Variants in GPC6 observed in about 807,000 individuals in gnomAD.
The protein encoded by GPC6 is glypican-6.
A neutral mutation model predicts 55.2 loss-of-function variants in GPC6; 14 were observed. That is an observed-to-expected ratio of 0.25 (90% confidence interval 0.17 to 0.40). The LOEUF (loss-of-function observed/expected upper bound fraction) is 0.40, where lower values mean the gene tolerates loss of function less well. Ranked by LOEUF, GPC6 falls within the 10% of genes least tolerant of loss-of-function variation. GPC6 has a pLI of 1.00. For missense variants in GPC6, 641 were observed against 708.5 expected (o/e 0.90, Z 1.08); for synonymous variants, 278 against 259.6 (o/e 1.07, Z -0.68).
At position 94,149,851 on chromosome 13, in the gene GPC6, C is replaced by G. The variant is rs1229964343; in HGVS notation, c.877+121957C>G. On this transcript the variant is annotated intron_variant, in intron 4 of 8. Transcript: ENST00000377047. ...TGGCACTTCACACACTTCGCACGTT[C>G]TATCTCCTGTTTGACTTTTTTGAGG... Among the ~76,000 whole-genome samples the G allele has an allele frequency of 5.3e-5, 8 of 152,008 alleles. No homozygotes were observed. The South Asian group carries it at 1.5e-3, about 28-fold the overall frequency.
chr13:94,085,053 G>A (rs1018642738), intron 4 of GPC6, among the ~76,000 whole-genome samples: 12 of 152,058 alleles, frequency 7.9e-5, no homozygotes, highest in African/African-American at 2.7e-4. Context: ...GCTGGGCACG[G>A]TGGCTCACAC....
intron 3 of GPC6, among the ~76,000 whole-genome samples, chr13:93,966,378 T>C (rs1880043587): frequency 6.6e-6 from 1 of 152,210 alleles, no homozygotes; most frequent in Non-Finnish European, 1.5e-5. Context: ...TGAATGTATA[T>C]TTCCTTTACA....
chr13:93,463,458 C>T (rs901996368), intron 1 of GPC6, among the ~76,000 whole-genome samples: 15 of 152,192 alleles, frequency 9.9e-5, no homozygotes, highest in East Asian at 5.8e-4. Context: ...TGTGAAGCAC[C>T]GTTCTTAGTG....
At chr13:93,226,566 TC>T (rs1350141617), upstream of GPC6, 1 of 152,214 alleles carries the variant, frequency 6.6e-6, no homozygotes, top group Non-Finnish European at 1.5e-5. Context: ...ATCCTTTACC[TC>T]CATAAAAATA....
intron 1 of GPC6, among the ~76,000 whole-genome samples, chr13:93,316,226 T>G (rs576775392): frequency 5.3e-4 from 80 of 152,214 alleles, no homozygotes; most frequent in Admixed American, 1.8e-3. Flanking sequence ...GAGAACTATT[T>G]TTTATTCATG....
intron 4 of GPC6, among the ~76,000 whole-genome samples, chr13:94,113,355 CAT>C: frequency 6.6e-6 from 1 of 152,068 alleles, no homozygotes; most frequent in Admixed American, 6.6e-5. Flanking sequence ...TTAAGTTAAT[CAT>C]ACTCTCAGTT....
chr13:93,289,351 CTT>C (rs1267421208), intron 1 of GPC6, among the ~76,000 whole-genome samples: 1 of 152,034 alleles, frequency 6.6e-6, no homozygotes, highest in Non-Finnish European at 1.5e-5. Context: ...GCTCAAAAGA[CTT>C]TCAAAACGTG....
At chr13:93,222,939 G>C (rs955313056), upstream of GPC6, among the ~76,000 whole-genome samples, 1 of 151,048 alleles carries the variant, frequency 6.6e-6, no homozygotes, top group Non-Finnish European at 1.5e-5. Flanking sequence ...TGTCTCTTAC[G>C]CAAAAGATGG....
chr13:93,795,631 C>A (rs3015339), intron 2 of GPC6, among the ~76,000 whole-genome samples: 5 of 152,222 alleles, frequency 3.3e-5, no homozygotes, highest in African/African-American at 1.2e-4. Context: ...TGCCAAGACA[C>A]TTATAAATAA....
At chr13:93,700,168 C>A (rs906712375) in intron 2 of GPC6, among the ~76,000 whole-genome samples, 8 of 152,164 alleles carry the variant, frequency 5.3e-5, no homozygotes, top group African/African-American at 1.9e-4. Context: ...CATGCCTTTT[C>A]TCTGTAAAAT....
intron 3 of GPC6, among the ~76,000 whole-genome samples, chr13:93,988,459 G>A (rs144147130): frequency 5.9e-5 from 9 of 152,236 alleles, no homozygotes; most frequent in East Asian, 1.9e-4. Flanking sequence ...AATGCATTAC[G>A]TTAAATGATT....
intron 4 of GPC6, among the ~76,000 whole-genome samples, chr13:94,179,026 C>G (rs17253697): frequency 6.6e-6 from 1 of 152,044 alleles, no homozygotes; most frequent in Non-Finnish European, 1.5e-5. Flanking sequence ...AAGATACACG[C>G]GGTCTAGATT....
rs563209329 is a variant in GPC6 at position 94,321,085 on chromosome 13, A to G, written c.1152+14962A>G. The stretch of plus-strand genomic sequence containing the variant: ...TTCCTCCATCTCGCCCCCATCAAGT[A>G]GACCCTGGTGTCTTTTGTTCCTCTC... On this transcript the variant is annotated intron_variant, in intron 6 of 8. Coordinates refer to ENST00000377047, the MANE Select transcript of GPC6 (RefSeq NM_005708.5). 5.3e-5 allele frequency among the ~76,000 whole-genome samples: 8 copies of G among 152,276 alleles called. No individual in the cohort carries two copies. In the South Asian group the frequency reaches 1.0e-3, roughly 20 times the overall value.
At chr13:93,415,860 A>G (rs1289578961) in intron 1 of GPC6, among the ~76,000 whole-genome samples, 1 of 152,136 alleles carries the variant, frequency 6.6e-6, no homozygotes, top group Non-Finnish European at 1.5e-5. Flanking sequence ...CGTGTTAGAA[A>G]TGTAATCATT....
intron 3 of GPC6, among the ~76,000 whole-genome samples, chr13:93,947,593 A>T (rs1594611570): frequency 6.6e-6 from 1 of 152,184 alleles, no homozygotes; most frequent in South Asian, 2.1e-4. Context: ...TAATTTCCCA[A>T]AGTTGCTGTG....
At chr13:93,556,670 G>GC (rs1229889074) in intron 2 of GPC6, among the ~76,000 whole-genome samples, 3 of 151,326 alleles carry the variant, frequency 2.0e-5, no homozygotes, top group African/African-American at 7.3e-5. Flanking sequence ...TAACCTGTTA[G>GC]CCAGCCCCAC....
intron 4 of GPC6, 55 bp from the exon 5 acceptor site, chr13:94,286,294 T>C: frequency 6.3e-7 from 1 of 1,595,554 alleles, no homozygotes; most frequent in Non-Finnish European, 8.6e-7. Context: ...TAAACACAGG[T>C]TGGGAACCTG....
chr13:94,236,987 T>C (rs1035709958), intron 4 of GPC6, among the ~76,000 whole-genome samples: 3 of 151,860 alleles, frequency 2.0e-5, no homozygotes, highest in African/African-American at 7.3e-5. Context: ...TGGAAGCACC[T>C]TGTTCACAGG....
At chr13:93,931,788 A>T (rs1052005316) in intron 3 of GPC6, among the ~76,000 whole-genome samples, 4 of 149,578 alleles carry the variant, frequency 2.7e-5, no homozygotes, top group Admixed American at 6.7e-5. Context: ...AAAAAAAAAA[A>T]GATCAGGAGG....
Sources: gnomAD v4.1 joint callset for allele counts (sites outside exome capture counted in the v4.1 genomes callset) on GRCh38, gnomAD v4.1.1 for gene constraint, MANE v1.5 for transcripts, NCBI Gene and HGNC (gene_info 2026-07-23, HGNC 2026-07-21) for gene names.